Variants in NRG1 observed in about 807,000 individuals in gnomAD.
The protein encoded by NRG1 is neuregulin 1, also known as pro-neuregulin-1, membrane-bound isoform.
A neutral mutation model predicts 63.8 loss-of-function variants in NRG1; 18 were observed. The ratio of observed to expected loss-of-function variants is 0.28; its 90% CI spans 0.19 to 0.42. The LOEUF is 0.42. Ranked by LOEUF, NRG1 falls within the 10% of genes least tolerant of loss-of-function variation. The pLI, the probability that NRG1 is intolerant of heterozygous loss-of-function variation, is 1.00. For missense variants in NRG1, 762 were observed against 814.7 expected, an observed-to-expected ratio of 0.94 and a Z score of 0.79; for synonymous variants, 302 against 301.3, an observed-to-expected ratio of 1.00 and a Z score of -0.02.
chr8:32,653,903 A>G (rs908139420), intron 5 of NRG1, among the ~76,000 whole-genome samples: 1 of 152,154 alleles, frequency 6.6e-6, no homozygotes, highest in Admixed American at 6.5e-5. Flanking sequence ...GTTAATCCTC[A>G]TCATCTCAAA....
chr8:31,973,692 A>G (rs759554728), intron 1 of NRG1, among the ~76,000 whole-genome samples: 1 of 152,204 alleles, frequency 6.6e-6, no homozygotes, highest in South Asian at 2.1e-4. Flanking sequence ...ATACTACAAC[A>G]TAAGATAAAT....
intron 1 of NRG1, among the ~76,000 whole-genome samples, chr8:31,993,620 C>T (rs1173662242): frequency 6.6e-6 from 1 of 152,000 alleles, no homozygotes; most frequent in East Asian, 1.9e-4. Flanking sequence ...GAATGTGAGG[C>T]CTCCCCAGCC....
At chr8:32,603,535 T>C (rs1844730690) in intron 2 of NRG1, among the ~76,000 whole-genome samples, 1 of 152,310 alleles carries the variant, frequency 6.6e-6, no homozygotes, top group East Asian at 1.9e-4. Flanking sequence ...TGGAGTGCAA[T>C]GGTGTGGTCT....
intron 7 of NRG1, among the ~76,000 whole-genome samples, chr8:32,746,227 GA>G (rs368789514): frequency 5.3e-5 from 8 of 151,060 alleles, no homozygotes; most frequent in African/African-American, 1.5e-4. Context: ...TGGCATATGT[GA>G]AAAAAAACAG....
intron 1 of NRG1, among the ~76,000 whole-genome samples, chr8:31,838,822 C>T (rs1825922307): frequency 6.6e-6 from 1 of 152,032 alleles, no homozygotes; most frequent in South Asian, 2.1e-4. Flanking sequence ...TTTCCAAAGA[C>T]CTAAATATAA....
At chr8:32,355,348 A>G (rs13280662) in intron 1 of NRG1, among the ~76,000 whole-genome samples, 29,296 of 151,766 alleles carry the variant, frequency 0.19, 3,240 homozygotes, top group Non-Finnish European at 0.26. Context: ...AGTCCCAACT[A>G]CTCGGGAGGC....
At chr8:32,707,749 T>G (rs1251597015) in intron 5 of NRG1, among the ~76,000 whole-genome samples, 1 of 151,910 alleles carries the variant, frequency 6.6e-6, no homozygotes, top group Non-Finnish European at 1.5e-5. Flanking sequence ...AGAAGGAATG[T>G]ACTTAAAAAA....
chr8:32,228,995 T>C (rs1329192048), intron 1 of NRG1, among the ~76,000 whole-genome samples: 1 of 152,154 alleles, frequency 6.6e-6, no homozygotes, highest in Non-Finnish European at 1.5e-5. Context: ...GATAGCTCTT[T>C]CTGCACCAAG....
intron 1 of NRG1, among the ~76,000 whole-genome samples, chr8:32,027,214 G>C (rs774754186): frequency 7.2e-5 from 11 of 152,012 alleles, no homozygotes; most frequent in Non-Finnish European, 1.2e-4. Flanking sequence ...GGGTTGAGTA[G>C]TATTTTTATG....
At chr8:31,755,116 C>A (rs911453730) in intron 1 of NRG1, among the ~76,000 whole-genome samples, 4 of 152,104 alleles carry the variant, frequency 2.6e-5, no homozygotes, top group African/African-American at 9.7e-5. Flanking sequence ...GACAGGCCTG[C>A]ACTGCTCTGG....
At chr8:32,361,627 A>G (rs1807224456) in intron 1 of NRG1, among the ~76,000 whole-genome samples, 1 of 152,052 alleles carries the variant, frequency 6.6e-6, no homozygotes, top group African/African-American at 2.4e-5. Flanking sequence ...AGTTTTACAT[A>G]CTTGGGTACT....
At chr8:32,122,283 A>G (rs1254697456) in intron 1 of NRG1, among the ~76,000 whole-genome samples, 1 of 151,996 alleles carries the variant, frequency 6.6e-6, no homozygotes, top group East Asian at 1.9e-4. Flanking sequence ...GGTTCTCAGT[A>G]GGGGTGGGAC....
chr8:32,416,974 C>T (rs1816011654), intron 1 of NRG1, among the ~76,000 whole-genome samples: 1 of 152,162 alleles, frequency 6.6e-6, no homozygotes, highest in Non-Finnish European at 1.5e-5. Flanking sequence ...CATGAAGTCA[C>T]TGTGCTTGGC....
chr8:32,170,872 G>A (rs1047319421), intron 1 of NRG1, among the ~76,000 whole-genome samples: 18 of 152,144 alleles, frequency 1.2e-4, no homozygotes, highest in African/African-American at 3.6e-4. Context: ...TTGCAAAACC[G>A]CAGCTACTTT....
intron 1 of NRG1, among the ~76,000 whole-genome samples, chr8:32,407,298 AT>A: frequency 2.3e-5 from 1 of 43,512 alleles, no homozygotes; most frequent in African/African-American, 1.0e-4. Context: ...TATATATTAT[AT>A]ATATATATAT....
At chr8:32,634,496 G>A (rs1029110588) in intron 5 of NRG1, among the ~76,000 whole-genome samples, 11 of 152,222 alleles carry the variant, frequency 7.2e-5, no homozygotes, top group East Asian at 3.9e-4. Context: ...GTTTGGTTTC[G>A]TCATGGCCAG....
chr8:32,075,103 C>G (rs1826299602), intron 1 of NRG1, among the ~76,000 whole-genome samples: 1 of 152,190 alleles, frequency 6.6e-6, no homozygotes. Flanking sequence ...GTGTAACGCA[C>G]TAGAGCAGTG....
chr8:31,680,978 A>G (rs1808282344), intron 1 of NRG1, among the ~76,000 whole-genome samples: 2 of 152,138 alleles, frequency 1.3e-5, no homozygotes, highest in Admixed American at 1.3e-4. Flanking sequence ...TTGAGTAGAA[A>G]AAGAAAATAA....
intron 1 of NRG1, among the ~76,000 whole-genome samples, chr8:31,706,094 G>A (rs1811122470): frequency 6.6e-6 from 1 of 152,070 alleles, no homozygotes; most frequent in Non-Finnish European, 1.5e-5. Context: ...TATTCGTATG[G>A]TTCAAAAATC....
Sources: allele counts gnomAD v4.1 joint callset (sites outside exome capture counted in the v4.1 genomes callset), GRCh38; gene constraint gnomAD v4.1.1; transcripts MANE v1.5; gene names NCBI Gene and HGNC (gene_info 2026-07-23, HGNC 2026-07-21).